The following TANGO6 variants were observed in gnomAD, a reference collection of about 807,000 sequenced individuals.
TANGO6 encodes transport and Golgi organization protein 6 homolog.
TANGO6 carries 90 observed loss-of-function variants against 114.2 expected under a neutral mutation model. The ratio of observed to expected loss-of-function variants is 0.79; its 90% CI spans 0.66 to 0.94. The LOEUF is 0.94. Among genes scored for constraint, TANGO6 ranks in the 40% least tolerant of loss-of-function variants. The pLI is 0.00. For synonymous variants in TANGO6, 477 were observed against 509.8 expected (o/e 0.94, Z 0.87); for missense variants, 1,274 against 1,315.3 (o/e 0.97, Z 0.49).
chr16:68,902,943 C>A (rs1467288614), intron 9 of TANGO6, among the ~76,000 whole-genome samples: 1 of 152,158 alleles, frequency 6.6e-6, no homozygotes, highest in African/African-American at 2.4e-5. Context: ...ATTTGTTTCT[C>A]ATAGGGATTG....
chr16:69,005,009 G>A (rs1006291532), intron 15 of TANGO6, among the ~76,000 whole-genome samples: 18 of 152,150 alleles, frequency 1.2e-4, no homozygotes, highest in Admixed American at 9.8e-4. Flanking sequence ...TGCCAATTCC[G>A]AACACCCCAG....
chr16:69,072,386 T>C (rs1037733376), intron 17 of TANGO6, among the ~76,000 whole-genome samples: 2 of 152,122 alleles, frequency 1.3e-5, no homozygotes, highest in African/African-American at 4.8e-5. Flanking sequence ...CCTGGAGTCC[T>C]TGGGCCTGAT....
intron 7 of TANGO6, among the ~76,000 whole-genome samples, chr16:68,882,389 C>T (rs1026748551): frequency 4.0e-5 from 6 of 151,602 alleles, no homozygotes; most frequent in Non-Finnish European, 7.4e-5. Flanking sequence ...CCCAGCTACT[C>T]GGGAGGCTGA....
At chr16:68,872,288 C>G (rs2152165344) in intron 4 of TANGO6, among the ~76,000 whole-genome samples, 1 of 150,840 alleles carries the variant, frequency 6.6e-6, no homozygotes, top group South Asian at 2.1e-4. Context: ...TTTTTGGGGT[C>G]TGTTCTACTG....
intron 15 of TANGO6, among the ~76,000 whole-genome samples, chr16:69,019,310 T>C (rs1959361418): frequency 6.6e-6 from 1 of 152,238 alleles, no homozygotes; most frequent in African/African-American, 2.4e-5. Context: ...AATCTCCTCT[T>C]TTCTATTCTG....
chr16:69,009,491 C>T (rs1008774550), intron 15 of TANGO6, among the ~76,000 whole-genome samples: 2 of 152,164 alleles, frequency 1.3e-5, no homozygotes, highest in African/African-American at 4.8e-5. Flanking sequence ...AAATCAGAAG[C>T]GTGAGTCCTC....
intron 4 of TANGO6, chr16:68,867,522 A>C: frequency 3.7e-6 from 1 of 269,100 alleles, no homozygotes; most frequent in African/African-American, 2.2e-5. Context: ...ATTGAAGTAA[A>C]AACCCTAAAG....
At chr16:68,948,466 C>G (rs554886322) in intron 14 of TANGO6, among the ~76,000 whole-genome samples, 1 of 152,272 alleles carries the variant, frequency 6.6e-6, no homozygotes, top group South Asian at 2.1e-4. Context: ...ATGACAACAT[C>G]AGGATTTGGA....
intron 14 of TANGO6, among the ~76,000 whole-genome samples, chr16:68,968,557 G>A (rs1230001989): frequency 3.3e-5 from 5 of 151,518 alleles, no homozygotes; most frequent in African/African-American, 1.2e-4. Context: ...AGAGAGGGGG[G>A]TTTCACCATG....
At chr16:68,924,946 C>G (rs1159841911) in intron 12 of TANGO6, among the ~76,000 whole-genome samples, 1 of 152,106 alleles carries the variant, frequency 6.6e-6, no homozygotes, top group Non-Finnish European at 1.5e-5. Flanking sequence ...TCCCAGGTCA[C>G]ACCCTTGATC....
chr16:68,935,243 G>A (rs1267966738), intron 14 of TANGO6, among the ~76,000 whole-genome samples: 1 of 152,156 alleles, frequency 6.6e-6, no homozygotes, highest in Non-Finnish European at 1.5e-5. Flanking sequence ...GTTGTGGTTT[G>A]AGTAGCATTC....
chr16:68,952,036 T>G (rs1365189040), intron 14 of TANGO6, among the ~76,000 whole-genome samples: 1 of 152,154 alleles, frequency 6.6e-6, no homozygotes, highest in Non-Finnish European at 1.5e-5. Context: ...CCTCACCTCC[T>G]ATTCATATAG....
intron 14 of TANGO6, among the ~76,000 whole-genome samples, chr16:68,943,450 G>A (rs1318292132): frequency 2.7e-5 from 4 of 148,478 alleles, no homozygotes; most frequent in Non-Finnish European, 5.9e-5. Context: ...TGCAAGCTCC[G>A]CCTCCTGGGT....
intron 14 of TANGO6, among the ~76,000 whole-genome samples, chr16:68,938,925 G>A (rs996441021): frequency 3.3e-5 from 5 of 151,386 alleles, no homozygotes; most frequent in East Asian, 1.9e-4. Flanking sequence ...GAACAAAGCC[G>A]GCCAGTCATG....
intron 4 of TANGO6, among the ~76,000 whole-genome samples, chr16:68,874,650 A>C (rs1210028458): frequency 6.6e-6 from 1 of 152,144 alleles, no homozygotes; most frequent in East Asian, 1.9e-4. Context: ...AGAAACTAGC[A>C]TCAAAAGGAA....
intron 15 of TANGO6, among the ~76,000 whole-genome samples, chr16:69,010,381 G>A (rs1390605496): frequency 6.6e-6 from 1 of 151,730 alleles, no homozygotes; most frequent in Non-Finnish European, 1.5e-5. Flanking sequence ...TTCCTTGCCC[G>A]AAAAAGCATT....
intron 14 of TANGO6, among the ~76,000 whole-genome samples, chr16:68,970,497 G>A (rs1963691342): frequency 6.6e-6 from 1 of 151,794 alleles, no homozygotes; most frequent in Admixed American, 6.6e-5. Flanking sequence ...GAGAAACCCT[G>A]TCTCTACTAA....
chr16:68,959,037 G>A (rs1963563227), intron 14 of TANGO6, among the ~76,000 whole-genome samples: 1 of 152,112 alleles, frequency 6.6e-6, no homozygotes, highest in Non-Finnish European at 1.5e-5. Context: ...ACCCTACAGG[G>A]TGCCTGATTA....
intron 10 of TANGO6, 108 bp from the exon 11 acceptor site, chr16:68,909,103 G>A: frequency 1.0e-6 from 1 of 970,446 alleles, no homozygotes; most frequent in East Asian, 3.2e-5. Flanking sequence ...AACAAACACA[G>A]ACTATTTATT....
Sources: gnomAD v4.1 joint callset for allele counts (sites outside exome capture counted in the v4.1 genomes callset) on GRCh38, gnomAD v4.1.1 for gene constraint, MANE v1.5 for transcripts, NCBI Gene and HGNC (gene_info 2026-07-23, HGNC 2026-07-21) for gene names.